The following DRC11L variants were observed in gnomAD, a reference collection of about 807,000 sequenced individuals.
DRC11L encodes dynein regulatory complex subunit 11 like, also known as dynein regulatory complex subunit like-11.
the DRC11L span, chr7:151,203,358 G>T: frequency 2.5e-6 from 1 of 399,468 alleles, no homozygotes; most frequent in Non-Finnish European, 4.4e-6. Flanking sequence ...AGGAGATGGG[G>T]TATGGAAGAG....
the DRC11L span, chr7:151,191,778 G>T: frequency 2.5e-6 from 1 of 399,188 alleles, no homozygotes; most frequent in East Asian, 3.6e-5. Flanking sequence ...TGGAGAATGT[G>T]ACCCGGCGTG....
chr7:151,197,293 T>C, the DRC11L span: 1 of 399,316 alleles, frequency 2.5e-6, no homozygotes, highest in South Asian at 1.3e-4. Context: ...CTTTTTTCTG[T>C]TCTCTTGCAT....
At chr7:151,202,062 C>T in the DRC11L span, among the ~76,000 whole-genome samples, 3 of 152,180 alleles carry the variant, frequency 2.0e-5, no homozygotes, top group Admixed American at 1.3e-4. Flanking sequence ...GGTAAGAATG[C>T]TCGGGGAACC....
the DRC11L span, among the ~76,000 whole-genome samples, chr7:151,193,780 A>ATC: frequency 1.3e-5 from 2 of 151,746 alleles, no homozygotes; most frequent in African/African-American, 4.8e-5. Flanking sequence ...TTTCCATTCC[A>ATC]TCTGCTTCCA....
At chr7:151,196,604 TA>T in the DRC11L span, 1 of 399,554 alleles carries the variant, frequency 2.5e-6, no homozygotes, top group Non-Finnish European at 4.4e-6. Context: ...GCCGGGTGCA[TA>T]CACACATGCA....
chr7:151,197,737 C>A, the DRC11L span: 4 of 395,368 alleles, frequency 1.0e-5, no homozygotes, highest in African/African-American at 2.1e-5. Context: ...GAGGCTGACC[C>A]CCTACCCCAC....
chr7:151,204,757 C>T, the DRC11L span: 18 of 398,958 alleles, frequency 4.5e-5, no homozygotes, highest in East Asian at 5.3e-4. Context: ...CGGTCGGGCG[C>T]AGGTTCGAGC....
the DRC11L span, among the ~76,000 whole-genome samples, chr7:151,199,482 G>A: frequency 5.3e-5 from 8 of 152,166 alleles, no homozygotes; most frequent in Admixed American, 3.3e-4. The surrounding 1 kb of genome is among the most constrained non-coding windows in gnomAD (Gnocchi z 5.2). Context: ...ACCCACTGCC[G>A]TGCACGGACC....
the DRC11L span, chr7:151,203,296 G>A: frequency 2.5e-6 from 1 of 398,660 alleles, no homozygotes; most frequent in Non-Finnish European, 4.4e-6. Flanking sequence ...ATTACCTAAA[G>A]GGCACTCTGG....
the DRC11L span, chr7:151,197,713 C>T: frequency 2.5e-6 from 1 of 392,614 alleles, no homozygotes; most frequent in Non-Finnish European, 4.5e-6. Context: ...CCCCCAGCCA[C>T]CTCTGCCTCC....
chr7:151,199,259 G>A, the DRC11L span, among the ~76,000 whole-genome samples: 2 of 152,114 alleles, frequency 1.3e-5, no homozygotes, highest in African/African-American at 2.4e-5. This position sits in a 1 kb window ranked among gnomAD's most constrained non-coding sequence, Gnocchi z 5.2. Flanking sequence ...GCTGTCCCCT[G>A]CCCGATTTCC....
chr7:151,203,610 A>T, the DRC11L span: 1 of 396,304 alleles, frequency 2.5e-6, no homozygotes, highest in East Asian at 3.6e-5. Context: ...CACCCCCAGC[A>T]CTGTTTTCCT....
chr7:151,200,011 G>C, the DRC11L span, among the ~76,000 whole-genome samples: 1 of 152,386 alleles, frequency 6.6e-6, no homozygotes, highest in Admixed American at 6.5e-5. Flanking sequence ...CCCCGTGGCT[G>C]CCAGAGGCTT....
the DRC11L span, among the ~76,000 whole-genome samples, chr7:151,194,819 G>A: frequency 6.6e-6 from 1 of 152,264 alleles, no homozygotes; most frequent in South Asian, 2.1e-4. Flanking sequence ...GCCTCCCCCA[G>A]TGGGTGCTCT....
At chr7:151,201,707 C>A in the DRC11L span, among the ~76,000 whole-genome samples, 2 of 151,958 alleles carry the variant, frequency 1.3e-5, no homozygotes, top group African/African-American at 4.8e-5. This position sits in a 1 kb window ranked among gnomAD's most constrained non-coding sequence, Gnocchi z 4.1. Flanking sequence ...GAGAGGAAGG[C>A]GGGGGAGATT....
the DRC11L span, chr7:151,191,030 A>G: frequency 2.5e-6 from 1 of 400,014 alleles, no homozygotes; most frequent in Non-Finnish European, 4.4e-6. Flanking sequence ...TCGGCCTCCA[A>G]CTGGTCCATC....
the DRC11L span, among the ~76,000 whole-genome samples, chr7:151,193,719 T>C: frequency 0.36 from 54,330 of 151,246 alleles, 10,498 homozygotes; most frequent in East Asian, 0.54. Flanking sequence ...GTATGAGGAG[T>C]TGTGCATGGG....
chr7:151,192,037 C>T, the DRC11L span, among the ~76,000 whole-genome samples: 29 of 152,314 alleles, frequency 1.9e-4, no homozygotes, highest in East Asian at 5.6e-3. Flanking sequence ...TACTGGATCT[C>T]AAGCTAGGCA....
the DRC11L span, chr7:151,203,025 C>G: frequency 2.3e-5 from 9 of 399,710 alleles, no homozygotes; most frequent in Non-Finnish European, 4.0e-5. Flanking sequence ...TGGCTCGAAG[C>G]CGGCCTTGCC....
Sources: gnomAD v4.1 joint callset for allele counts (sites outside exome capture counted in the v4.1 genomes callset) on GRCh38, gnomAD v4.1.1 for gene constraint, Gnocchi (gnomAD v3.1) non-coding constraint, MANE v1.5 for transcripts, NCBI Gene and HGNC (gene_info 2026-07-23, HGNC 2026-07-21) for gene names.